TFAP4: variants seen among roughly 807,000 people sequenced by gnomAD.
The protein encoded by TFAP4 is transcription factor AP-4.
Under a neutral mutation model 40.4 loss-of-function variants are expected in TFAP4, and 7 were observed. The ratio of observed to expected loss-of-function variants is 0.17; its 90% confidence interval spans 0.10 to 0.33. The LOEUF (loss-of-function observed/expected upper bound fraction) is 0.33, where lower values mean the gene tolerates loss of function less well. Among genes scored for constraint, TFAP4 ranks in the 10% least tolerant of loss-of-function variants. The probability of loss-of-function intolerance (pLI) is 1.00; values close to 1 mark genes in which losing one functional copy is unlikely to be tolerated. For synonymous variants in TFAP4, 218 were observed against 181.4 expected (o/e 1.20, Z -1.62); for missense variants, 374 against 451.1 (o/e 0.83, Z 1.55).
intron 1 of TFAP4, among the ~76,000 whole-genome samples, chr16:4,270,124 G>A (rs1055219737): frequency 6.6e-5 from 10 of 152,130 alleles, no homozygotes; most frequent in African/African-American, 2.4e-4. Flanking sequence ...GGCGGAGGTT[G>A]CAGTGAGCCA....
intron 4 of TFAP4, among the ~76,000 whole-genome samples, 193 bp from the exon 5 acceptor site, chr16:4,260,788 A>G (rs1332874017): frequency 6.6e-6 from 1 of 152,006 alleles, no homozygotes; most frequent in Non-Finnish European, 1.5e-5. Context: ...CCACTGGACC[A>G]TGCTCCCTCC....
At chr16:4,262,824 T>C in intron 1 of TFAP4, 123 bp from the exon 2 acceptor site, 2 of 1,132,814 alleles carry the variant, frequency 1.8e-6, no homozygotes, top group East Asian at 4.8e-5. Flanking sequence ...CCCCAGAGAG[T>C]GATGGAGGGG....
chr16:4,262,809 G>T, intron 1 of TFAP4, 108 bp from the exon 2 acceptor site: 1 of 1,288,190 alleles, frequency 7.8e-7, no homozygotes, highest in Non-Finnish European at 1.1e-6. Context: ...AAGATGCCAG[G>T]CCACCCCCAG....
At chr16:4,269,603 A>T (rs886688301) in intron 1 of TFAP4, among the ~76,000 whole-genome samples, 4 of 151,330 alleles carry the variant, frequency 2.6e-5, no homozygotes, top group African/African-American at 9.7e-5. Context: ...TAAGATCAGG[A>T]GATCGAGACC....
intron 1 of TFAP4, among the ~76,000 whole-genome samples, chr16:4,271,288 C>T (rs1247386030): frequency 6.6e-6 from 1 of 152,250 alleles, no homozygotes; most frequent in African/African-American, 2.4e-5. Context: ...GTCCACCAGC[C>T]TGTGCCACAC....
At chr16:4,266,743 G>C (rs924268562) in intron 1 of TFAP4, 4 of 152,192 alleles carry the variant, frequency 2.6e-5, no homozygotes, top group African/African-American at 7.2e-5. Context: ...CTGGGGTTTT[G>C]CATTTACGGT....
At chr16:4,259,962 CA>C in intron 6 of TFAP4, 127 bp downstream of exon 6, 1 of 1,282,850 alleles carries the variant, frequency 7.8e-7, no homozygotes, top group Non-Finnish European at 1.0e-6. Context: ...CCAAGGCTTC[CA>C]GCCCTCCACC....
chr16:4,259,290 C>A (rs148289477), intron 6 of TFAP4, among the ~76,000 whole-genome samples: 3 of 151,660 alleles, frequency 2.0e-5, no homozygotes, highest in Non-Finnish European at 2.9e-5. Flanking sequence ...TGCACCACCA[C>A]GTCAGGCTAA....
chr16:4,270,736 T>A (rs1016866332), intron 1 of TFAP4, among the ~76,000 whole-genome samples: 1 of 152,166 alleles, frequency 6.6e-6, no homozygotes, highest in Non-Finnish European at 1.5e-5. Context: ...CTGAGAGGAC[T>A]CACCCAAGGC....
In TFAP4 at chr16:4,258,105, C is replaced by A. The variant is rs577738969; in HGVS notation, c.967G>T (p.Ala323Ser). The stretch of plus-strand genomic sequence containing the variant: ...GGCTCCTCCCGGCTCTGGTCCATGG[C>A]GTCACTGTCTGAGGCCTCGGAGTCG... ...ASDSEASDSD[A>S]MDQSREEPSG... The change falls in exon 7 of 7, where the codon GCC becomes TCC. Residue 323 changes from alanine (A) to serine (S), a missense_variant. Coordinates refer to ENST00000204517, the MANE Select transcript of TFAP4 (RefSeq NM_003223.3). 6.2e-7 allele frequency: 1 copy of A among 1,613,648 alleles called. No homozygotes were observed. Among genetic ancestry groups the A allele is most frequent in the Admixed American group, 1.7e-5 (1 of 60,016 alleles).
Position 4,257,831 on chromosome 16 carries a change from G to T in TFAP4, c.*224C>A. 1 of 471,650 alleles carries T rather than the reference G, an allele frequency of 2.1e-6. No individual in the cohort carries two copies. The highest frequency in any genetic ancestry group is 3.7e-6 in the Non-Finnish European group (1 of 268,650). 29.2% of individuals were successfully genotyped at this position (471,650 alleles called of 1,614,324 possible). A position where few individuals can be genotyped will look rare whatever the true frequency, so the allele number is the denominator to read the frequency against. The stretch of plus-strand genomic sequence containing the variant: ...CCCCCGGGGCCGAGGCCCCGCCCTG[G>T]GGTGCCGATGCTCCCACACGCTCTG... On this transcript the variant is annotated 3_prime_UTR_variant, in exon 7 of 7. Coordinates refer to ENST00000204517, the MANE Select transcript of TFAP4 (RefSeq NM_003223.3).
chr16:4,258,541 A>ACG, intron 6 of TFAP4: 1 of 275,064 alleles, frequency 3.6e-6, no homozygotes, highest in South Asian at 1.1e-4. Context: ...CCTCCCTAGT[A>ACG]GCTGGAACCA....
At position 4,262,393 on chromosome 16, in the gene TFAP4, G is replaced by A. The variant is rs996010014; in HGVS notation, c.285C>T (p.Tyr95=). The change falls in exon 3 of 7, where the codon TAC becomes TAT. Residue 95 remains tyrosine, a synonymous_variant. Coordinates refer to ENST00000204517, the MANE Select transcript of TFAP4 (RefSeq NM_003223.3). The stretch of plus-strand genomic sequence containing the variant: ...TCTTCTCCTGCTCCAGGGAGAAGAT[G>A]TACTCGGCTGTCTGCTGGAGAATGG... ...KAAILQQTAE[Y]IFSLEQEKTR... The A allele has an allele frequency of 1.2e-6, 2 of 1,614,106 alleles. No individual in the cohort carries two copies. The highest frequency in any genetic ancestry group is 1.7e-6 in the Non-Finnish European group (2 of 1,180,042).
chr16:4,258,477 G>A, intron 6 of TFAP4: 1 of 441,906 alleles, frequency 2.3e-6, no homozygotes, highest in Non-Finnish European at 4.0e-6. Flanking sequence ...GCAGTGGCAT[G>A]ATCATAGCTT....
At position 4,260,162 on chromosome 16, in the gene TFAP4, G is replaced by A. The variant is rs576796776; in HGVS notation, c.750C>T (p.Val250=). Residue 250 remains valine, a synonymous_variant, in exon 6 of 7, where the codon GTC becomes GTT. Transcript: ENST00000204517. ...TGACCGAGGAGGGGCCCATGGTGAC[G>A]ACATTGATGTGGTGGGAGGGAGGAG... The part of the protein sequence containing the change: ...PPPPPSHHIN[V]VTMGPSSVIN... 4.1e-6 allele frequency: 6 copies of A among 1,459,920 alleles called. No individual in the cohort carries two copies. In the South Asian group the frequency reaches 4.5e-5, roughly 11 times the overall value. The allele number at this position is 1,459,920 out of a possible 1,614,324, so 90.4% of individuals were successfully genotyped here. A position where few individuals can be genotyped will look rare whatever the true frequency, so the allele number is the denominator to read the frequency against.
Position 4,272,756 on chromosome 16 carries a change from C to G in TFAP4, c.-10G>C. On this transcript the variant is annotated 5_prime_UTR_variant, in exon 1 of 7. Transcript: ENST00000204517. ...CCATGAAATACTCCATAGCGATCGG[C>G]CCCCCTCCTCTGCACGAGCCAGGTC... 1 of 1,611,890 alleles carries G rather than the reference C, an allele frequency of 6.2e-7. No homozygotes were observed. Among genetic ancestry groups the G allele is most frequent in the Non-Finnish European group, 8.5e-7 (1 of 1,178,450 alleles).
chr16:4,261,727 G>T (rs1744834040), intron 4 of TFAP4, 52 bp downstream of exon 4: 1 of 1,503,462 alleles, frequency 6.7e-7, no homozygotes, highest in Non-Finnish European at 8.8e-7. Flanking sequence ...GCGACCCCAG[G>T]CTCCACGCCC....
chr16:4,270,527 T>G (rs993892593), intron 1 of TFAP4, among the ~76,000 whole-genome samples: 4 of 152,108 alleles, frequency 2.6e-5, no homozygotes, highest in African/African-American at 9.7e-5. Flanking sequence ...GGTAAACAAA[T>G]CCAGGGACCC....
At position 4,261,779 on chromosome 16, in the gene TFAP4, C is replaced by A; in HGVS notation, c.525G>T (p.Gln175His). Residue 175 changes from glutamine to histidine, a missense_variant and splice_region_variant, in exon 4 of 7, where the codon CAG (glutamine) becomes CAT (histidine). Around this residue, in one of 6 missense-constraint regions of TFAP4, gnomAD observed 161 missense variants for 154.2 expected, o/e 1.04. Coordinates refer to ENST00000204517, the MANE Select transcript of TFAP4 (RefSeq NM_003223.3). ...TGCCCAGCAGAGGGCGCTGCCTCAC[C>A]TGCTCCTCCAGCATCATGCGCACCG... is the stretch of plus-strand genomic sequence containing the variant. ...ERSVRMMLEEQVRSLEAHMYP... is the reference protein window; with the variant it reads ...ERSVRMMLEEHVRSLEAHMYP... The A allele has an allele frequency of 6.2e-7, 1 of 1,602,946 alleles. No homozygotes were observed. The highest frequency in any genetic ancestry group is 8.5e-7 in the Non-Finnish European group (1 of 1,175,630).
Sources: gnomAD v4.1 joint callset for allele counts (sites outside exome capture counted in the v4.1 genomes callset) on GRCh38, gnomAD v4.1.1 for gene constraint, gnomAD v4.1.1 regional missense constraint, MANE v1.5 for transcripts, NCBI Gene and HGNC (gene_info 2026-07-23, HGNC 2026-07-21) for gene names.